Variants in ZNF875 observed in about 807,000 individuals in gnomAD.
ZNF875 encodes zinc finger protein 875, also known as HKR1, GLI-Kruppel zinc finger family member.
Under a neutral mutation model 11.2 loss-of-function variants are expected in ZNF875, and 14 were observed. The ratio of observed to expected loss-of-function variants is 1.26; its 90% CI spans 0.83 to 1.96. ZNF875 has a LOEUF of 1.96. Among genes scored for constraint, ZNF875 ranks in the 30% most tolerant of loss-of-function variants. The probability of loss-of-function intolerance (pLI) is 0.00; values close to 1 mark genes in which losing one functional copy is unlikely to be tolerated. For missense variants in ZNF875, 752 were observed against 760.4 expected (o/e 0.99, Z 0.13); for synonymous variants, 301 against 281.1 (o/e 1.07, Z -0.71).
rs529623812 is a variant in ZNF875, at chr19:37,323,344, C to T, written c.-698-189C>T. ...AATTTTTTAATATTTTTAGTGGAGA[C>T]GGGGTTTCATCGTGTTGGCCAGGCT... On this transcript the variant is annotated intron_variant, in intron 2 of 5. Coordinates refer to the ZNF875 transcript ENST00000544914. Among the ~76,000 whole-genome samples, 6 of 151,968 alleles carry T rather than the reference C, an allele frequency of 3.9e-5. 1 individual carries two copies. Among genetic ancestry groups the T allele is most frequent in the South Asian group, 4.2e-4 (2 of 4,788 alleles).
chr19:37,319,383 T>C (rs1450056261), intron 1 of ZNF875, among the ~76,000 whole-genome samples: 1 of 111,502 alleles, frequency 9.0e-6, no homozygotes, highest in African/African-American at 4.5e-5. Flanking sequence ...AAAATGGTAA[T>C]GACACTATCT....
chr19:37,346,865 CTTT>C (rs10577168), intron 2 of ZNF875: 8,375 of 213,640 alleles, frequency 0.039, 273 homozygotes, highest in African/African-American at 0.1. Context: ...ACCTCTCATT[CTTT>C]TTTTTTTTTT....
chr19:37,340,958 T>C (rs1041403228), intron 2 of ZNF875, among the ~76,000 whole-genome samples: 4 of 152,162 alleles, frequency 2.6e-5, no homozygotes, highest in African/African-American at 9.7e-5. Flanking sequence ...TTGTGTACTT[T>C]TAACTTAGAT....
chr19:37,362,280 A>G lies in ZNF875; in HGVS notation c.428A>G (p.Gln143Arg). 1 of 1,614,242 alleles carries G rather than the reference A, an allele frequency of 6.2e-7. No homozygotes were observed. The highest frequency in any genetic ancestry group is 8.5e-7 in the Non-Finnish European group (1 of 1,180,038). The change falls in exon 5 of 5, where the codon CAG becomes CGG. Residue 143 changes from glutamine to arginine, a missense_variant. Transcript: ENST00000392153. Reference protein sequence around the residue: ...KHYPEDQKQQQDPFCFSGKAE... With the variant: ...KHYPEDQKQQRDPFCFSGKAE... ...TATCCAGAAGATCAGAAACAACAGC[A>G]GGATCCATTCTGCTTTAGTGGCAAA...
Position 37,347,789 on chromosome 19 carries a change from C to A in ZNF875, c.173C>A (p.Ser58Tyr). The part of the protein sequence containing the change: ...NHLVSLEIPS[S>Y]KPKLIAQLER... ...TCCCTATGAACAGAAATTCCATCTT[C>A]TAAACCAAAACTCATTGCTCAGCTG... Residue 58 changes from serine to tyrosine, a missense_variant, in exon 4 of 5, where the codon TCT becomes TAT. Transcript: ENST00000392153. The A allele has an allele frequency of 6.2e-7, 1 of 1,612,384 alleles. No homozygotes were observed. The highest frequency in any genetic ancestry group is 8.5e-7 in the Non-Finnish European group (1 of 1,178,428).
At chr19:37,355,597 G>T (rs1326333841) in intron 4 of ZNF875, among the ~76,000 whole-genome samples, 1 of 152,100 alleles carries the variant, frequency 6.6e-6, no homozygotes. Context: ...CATTTTGCCT[G>T]TTATCTACCA....
chr19:37,344,764 G>C (rs1285471351), intron 2 of ZNF875: 1 of 1,560,116 alleles, frequency 6.4e-7, no homozygotes, highest in East Asian at 2.2e-5. Flanking sequence ...TCCGGGGCTG[G>C]AGGAATAACG....
chr19:37,359,409 CT>C (rs71177443), intron 4 of ZNF875: 9,051 of 187,742 alleles, frequency 0.048, no homozygotes, highest in South Asian at 0.13. Flanking sequence ...ATAGTCTTTT[CT>C]TTTTTTTTTT....
At chr19:37,331,358 T>C (rs183714731), upstream of ZNF875, among the ~76,000 whole-genome samples, 1 of 151,494 alleles carries the variant, frequency 6.6e-6, no homozygotes, top group Non-Finnish European at 1.5e-5. Context: ...CCCTCCCAAG[T>C]AGCTGGATTA....
At chr19:37,361,735 G>A (rs183136488) in intron 4 of ZNF875, among the ~76,000 whole-genome samples, 25 of 152,058 alleles carry the variant, frequency 1.6e-4, no homozygotes, top group Admixed American at 1.0e-3. Flanking sequence ...TGGCAAACAC[G>A]GTAAAACTCT....
chr19:37,333,112 G>C (rs1308093515), upstream of ZNF875, among the ~76,000 whole-genome samples: 1 of 152,080 alleles, frequency 6.6e-6, no homozygotes, highest in Non-Finnish European at 1.5e-5. Flanking sequence ...TACTTGACCT[G>C]CTGTTACATT....
In ZNF875 at chr19:37,363,021, G is replaced by A. The variant is rs2040225644; in HGVS notation, c.1169G>A (p.Gly390Glu). The A allele has an allele frequency of 1.2e-6, 2 of 1,614,146 alleles. No individual in the cohort carries two copies. The highest frequency in any genetic ancestry group is 2.2e-5 in the South Asian group (2 of 91,092). ...GTCAGACACAAGAGGACACATTCAG[G>A]AGAGAAGCCTTACATTTGCAGGGAG... Reference protein sequence around the residue: ...HLVRHKRTHSGEKPYICRECE... With the variant: ...HLVRHKRTHSEEKPYICRECE... The change falls in exon 5 of 5, where the codon GGA (glycine) becomes GAA (glutamate). Residue 390 changes from glycine (G) to glutamate (E), a missense_variant. Physicochemically the swap from Gly to Glu is moderately conservative, Grantham distance 98 (BLOSUM62 -2). Coordinates refer to ENST00000392153, the MANE Select transcript of ZNF875 (RefSeq NM_001353803.2).
At chr19:37,341,213 G>C (rs1028294921) in intron 2 of ZNF875, among the ~76,000 whole-genome samples, 1 of 152,186 alleles carries the variant, frequency 6.6e-6, no homozygotes, top group African/African-American at 2.4e-5. Flanking sequence ...CAGTGTATCA[G>C]CCTTTGCTGT....
At chr19:37,324,201 G>C (rs149771640) in intron 3 of ZNF875, 19 of 152,268 alleles carry the variant, frequency 1.2e-4, no homozygotes, top group Non-Finnish European at 2.5e-4. Context: ...CCCATTTCTT[G>C]GTCTAGAGCT....
chr19:37,363,603 G>A lies in ZNF875; in HGVS notation c.1751G>A (p.Gly584Glu), dbSNP rs768556501. Residue 584 changes from glycine (G) to glutamate (E), a missense_variant, in exon 5 of 5, where the codon GGG becomes GAG. Gly to Glu is a moderately conservative substitution (Grantham distance 98, BLOSUM62 -2). Transcript: ENST00000392153. ...ATTAAACACCAGAGAGCACACGCAG[G>A]GGGGAAGCCTCATGTGTGCAGGGAG... ...TLIKHQRAHAGGKPHVCRECG... is the reference protein window; with the variant it reads ...TLIKHQRAHAEGKPHVCRECG... 3 of 1,613,690 alleles carry A rather than the reference G, an allele frequency of 1.9e-6. No homozygotes were observed. The highest frequency in any genetic ancestry group is 1.3e-5 in the African/African-American group (1 of 74,760).
intron 1 of ZNF875, among the ~76,000 whole-genome samples, chr19:37,318,355 T>C (rs1568556871): frequency 1.3e-5 from 2 of 151,972 alleles, no homozygotes; most frequent in Admixed American, 6.6e-5. Flanking sequence ...CCCCAACCTT[T>C]AAAAAAAATC....
intron 3 of ZNF875, chr19:37,347,537 C>T (rs996791992): frequency 8.7e-5 from 53 of 610,794 alleles, no homozygotes; most frequent in Non-Finnish European, 1.3e-4. Context: ...TTTCCCAAGG[C>T]TTGTGCTCTC....
At chr19:37,320,872 T>TA (rs1171396170) in intron 1 of ZNF875, among the ~76,000 whole-genome samples, 1 of 152,216 alleles carries the variant, frequency 6.6e-6, no homozygotes, top group Non-Finnish European at 1.5e-5. Context: ...TGTTCTGTAC[T>TA]AAGAAAAATT....
chr19:37,347,957 G>A (rs959445956), intron 4 of ZNF875, 85 bp downstream of exon 4: 9 of 804,274 alleles, frequency 1.1e-5, no homozygotes, highest in Non-Finnish European at 1.5e-5. Context: ...CTGGGAAGAA[G>A]CTCTTCTTCA....
Sources: allele counts gnomAD v4.1 joint callset (sites outside exome capture counted in the v4.1 genomes callset), GRCh38; gene constraint gnomAD v4.1.1; transcripts MANE v1.5; gene names NCBI Gene and HGNC (gene_info 2026-07-23, HGNC 2026-07-21).